The following GRIA4 variants were observed in gnomAD, a reference collection of about 807,000 sequenced individuals.
GRIA4 encodes the protein glutamate ionotropic receptor AMPA type subunit 4, also known as glutamate receptor 4.
A neutral mutation model predicts 104.0 loss-of-function variants in GRIA4; 34 were observed. The observed-to-expected ratio is 0.33, with a 90% CI of 0.25 to 0.44. The LOEUF (loss-of-function observed/expected upper bound fraction) is 0.44. GRIA4 is among the 20% of genes least tolerant of loss of function. The pLI, the probability that GRIA4 is intolerant of heterozygous loss-of-function variation, is 1.00. For synonymous variants in GRIA4, 386 were observed against 381.9 expected, an observed-to-expected ratio of 1.01 and a Z score of -0.13; for missense variants, 750 against 1,096.5, an observed-to-expected ratio of 0.68 and a Z score of 4.46.
chr11:105,784,546 A>T (rs1941872133), intron 4 of GRIA4, among the ~76,000 whole-genome samples: 1 of 152,188 alleles, frequency 6.6e-6, no homozygotes, highest in African/African-American at 2.4e-5. Flanking sequence ...CCTGTGGGCC[A>T]CTCAGCCAGT....
intron 3 of GRIA4, among the ~76,000 whole-genome samples, chr11:105,710,966 T>C (rs984273649): frequency 1.3e-5 from 2 of 152,070 alleles, no homozygotes; most frequent in Non-Finnish European, 2.9e-5. Context: ...AATCTCAGAA[T>C]TATTTTTTTT....
At chr11:105,624,809 A>G (rs1320663871) in intron 3 of GRIA4, among the ~76,000 whole-genome samples, 3 of 152,066 alleles carry the variant, frequency 2.0e-5, no homozygotes, top group South Asian at 2.1e-4. Flanking sequence ...TAGGAAGCTC[A>G]TTTCCAAATT....
chr11:105,829,094 T>TACAC (rs146841671), intron 4 of GRIA4, among the ~76,000 whole-genome samples: 2 of 151,026 alleles, frequency 1.3e-5, no homozygotes, highest in African/African-American at 4.9e-5. Flanking sequence ...CAGTGATGTA[T>TACAC]ACACACACAC....
chr11:105,901,226 T>G (rs112242010), intron 7 of GRIA4, among the ~76,000 whole-genome samples: 22 of 152,304 alleles, frequency 1.4e-4, no homozygotes, highest in African/African-American at 4.8e-4. Context: ...CACTATTATC[T>G]TGTTTCATTT....
chr11:105,619,679 A>C (rs959102959), intron 3 of GRIA4, among the ~76,000 whole-genome samples: 1 of 151,984 alleles, frequency 6.6e-6, no homozygotes, highest in African/African-American at 2.4e-5. Flanking sequence ...AATTTTATGC[A>C]AAATTGTGTG....
chr11:105,636,338 T>A lies in GRIA4; in HGVS notation c.247+23904T>A, dbSNP rs548519276. Among the ~76,000 whole-genome samples the A allele has an allele frequency of 2.7e-4, 41 of 152,296 alleles. 1 individual carries two copies. In the South Asian group the frequency reaches 7.9e-3, roughly 29 times the overall value. On this transcript the variant is annotated intron_variant, in intron 3 of 16. Coordinates refer to ENST00000282499, the MANE Select transcript of GRIA4 (RefSeq NM_000829.4). Reference sequence around the variant, plus strand: ...TCTATACTTCTCTCATAATTTCCCATCACTTTCATTTTTGTCCCTCAAGAA... The same window carrying A: ...TCTATACTTCTCTCATAATTTCCCAACACTTTCATTTTTGTCCCTCAAGAA...
chr11:105,917,658 A>G (rs541342337), intron 10 of GRIA4, among the ~76,000 whole-genome samples: 2 of 152,266 alleles, frequency 1.3e-5, no homozygotes, highest in African/African-American at 4.8e-5. Flanking sequence ...CTTGTCTGCA[A>G]ATGACTGGAA....
At chr11:105,846,696 T>C (rs963808431) in intron 4 of GRIA4, among the ~76,000 whole-genome samples, 5 of 152,188 alleles carry the variant, frequency 3.3e-5, no homozygotes, top group Non-Finnish European at 7.4e-5. Context: ...TAATTCCTAT[T>C]ACCACAAAAA....
chr11:105,641,588 T>A (rs1440673168), intron 3 of GRIA4, among the ~76,000 whole-genome samples: 2 of 152,306 alleles, frequency 1.3e-5, no homozygotes, highest in East Asian at 3.9e-4. Flanking sequence ...GGCAACCATA[T>A]GACATCATCC....
At chr11:105,751,254 A>G (rs949797252) in intron 3 of GRIA4, among the ~76,000 whole-genome samples, 1 of 152,170 alleles carries the variant, frequency 6.6e-6, no homozygotes, top group Non-Finnish European at 1.5e-5. Context: ...AAATCAGTAG[A>G]ACAAAAAATA....
Position 105,899,209 on chromosome 11 carries a change from T to C in GRIA4, c.885+782T>C, listed in dbSNP as rs533158864. Among the ~76,000 whole-genome samples the C allele has an allele frequency of 1.6e-4, 25 of 152,358 alleles. No individual in the cohort carries two copies. The South Asian group carries it at 5.2e-3, about 32-fold the overall frequency. On this transcript the variant is annotated intron_variant, in intron 7 of 16. Transcript: ENST00000282499. The stretch of plus-strand genomic sequence containing the variant: ...TATTTTCTAATTATAATATTTCATA[T>C]TGGCTATGTCCATTTCTTCTCTGAA...
At chr11:105,940,015 T>C (rs1380411936) in intron 14 of GRIA4, among the ~76,000 whole-genome samples, 2 of 152,116 alleles carry the variant, frequency 1.3e-5, no homozygotes, top group Non-Finnish European at 2.9e-5. Context: ...CCTCCCCTTA[T>C]GATCCCAGGG....
chr11:105,943,393 A>G lies in GRIA4; in HGVS notation c.2294+9424A>G, dbSNP rs543452518. On this transcript the variant is annotated intron_variant, in intron 14 of 16. Coordinates refer to ENST00000282499, the MANE Select transcript of GRIA4 (RefSeq NM_000829.4). ...AGGAGGAATAAAACAGCAAAAGTGA[A>G]GCACAGGCCTATAAAAGGACTTGTT... Among the ~76,000 whole-genome samples the G allele has an allele frequency of 5.3e-5, 8 of 152,238 alleles. 1 individual carries two copies. In the South Asian group the frequency reaches 1.4e-3, roughly 28 times the overall value.
intron 1 of GRIA4, 38 bp from the exon 2 acceptor site, chr11:105,610,870 C>CTTTTTTTTTTTTTTTTTTTTTTTTT (rs55973528): frequency 8.4e-5 from 30 of 357,378 alleles, no homozygotes; most frequent in African/African-American, 1.3e-4. Context: ...TCTTTCTTTT[C>CTTTTTTTTTTTTTTTTTTTTTTTTT]TTTTTTTTTT....
At chr11:105,900,824 AAG>A (rs1245393898) in intron 7 of GRIA4, among the ~76,000 whole-genome samples, 1 of 151,894 alleles carries the variant, frequency 6.6e-6, no homozygotes, top group African/African-American at 2.4e-5. Flanking sequence ...TCCTGGCCTC[AAG>A]TGATCTGTCC....
intron 3 of GRIA4, among the ~76,000 whole-genome samples, chr11:105,640,387 T>C (rs1272795341): frequency 2.0e-5 from 3 of 151,832 alleles, no homozygotes; most frequent in African/African-American, 7.2e-5. Flanking sequence ...ATTTGAAAAA[T>C]GCGGTTATAA....
chr11:105,687,325 G>A (rs1385858277), intron 3 of GRIA4, among the ~76,000 whole-genome samples: 1 of 152,112 alleles, frequency 6.6e-6, no homozygotes, highest in African/African-American at 2.4e-5. Context: ...TAGTTAGGAG[G>A]ATAACAAGTG....
At chr11:105,650,374 C>T (rs563672796) in intron 3 of GRIA4, among the ~76,000 whole-genome samples, 1 of 152,090 alleles carries the variant, frequency 6.6e-6, no homozygotes, top group South Asian at 2.1e-4. Flanking sequence ...TGGGAATTCC[C>T]AGTATCTACC....
rs1417011744 is a variant in GRIA4 at position 105,920,923 on chromosome 11, G to GT, written c.1476+2012dup. ...TGCAAAGTCTATATTGTTTCTCAAC[G>GT]TTTTTTTGTTTGTTTGTTTTCCTAC... is the stretch of plus-strand genomic sequence containing the variant. On this transcript the variant is annotated intron_variant, in intron 11 of 16. Transcript: ENST00000282499. 2.0e-5 allele frequency among the ~76,000 whole-genome samples: 3 copies of GT among 151,972 alleles called. No homozygotes were observed. In the East Asian group the frequency reaches 5.8e-4, roughly 29 times the overall value.
Sources: gnomAD v4.1 joint callset for allele counts (sites outside exome capture counted in the v4.1 genomes callset) on GRCh38, gnomAD v4.1.1 for gene constraint, MANE v1.5 for transcripts, NCBI Gene and HGNC (gene_info 2026-07-23, HGNC 2026-07-21) for gene names.